LRRC3B: variants seen among roughly 807,000 people sequenced by gnomAD.
LRRC3B encodes the protein leucine rich repeat containing 3B.
In LRRC3B, 2 loss-of-function variants were observed where a neutral mutation model predicts 12.8. That is an observed-to-expected ratio of 0.16 (90% CI 0.06 to 0.49). The LOEUF is 0.49. LRRC3B is among the 20% of genes least tolerant of loss of function. LRRC3B has a pLI of 0.96. For missense variants in LRRC3B, 189 were observed against 319.4 expected (o/e 0.59, Z 3.11); for synonymous variants, 132 against 122.0 (o/e 1.08, Z -0.54).
chr3:26,677,924 C>T (rs908067212), intron 1 of LRRC3B, among the ~76,000 whole-genome samples: 17 of 152,022 alleles, frequency 1.1e-4, no homozygotes, highest in African/African-American at 2.7e-4. Context: ...CCTCAGTTCC[C>T]GAGTAGCTGG....
intron 1 of LRRC3B, among the ~76,000 whole-genome samples, chr3:26,653,733 T>A (rs537551213): frequency 6.6e-6 from 1 of 152,192 alleles, no homozygotes; most frequent in African/African-American, 2.4e-5. Context: ...ATTTTCACCA[T>A]GAATTATAAT....
At chr3:26,667,097 A>G (rs1399584681) in intron 1 of LRRC3B, among the ~76,000 whole-genome samples, 1 of 144,344 alleles carries the variant, frequency 6.9e-6, no homozygotes, top group Non-Finnish European at 1.5e-5. Flanking sequence ...TTAAACCATT[A>G]TTAGTAAAGT....
chr3:26,707,110 T>C (rs1159426001), intron 1 of LRRC3B, among the ~76,000 whole-genome samples: 3 of 151,492 alleles, frequency 2.0e-5, no homozygotes, highest in Non-Finnish European at 4.4e-5. Flanking sequence ...CCTAGCACTT[T>C]GGGAGGCGAG....
At chr3:26,708,236 TAA>T (rs1453345826) in intron 1 of LRRC3B, among the ~76,000 whole-genome samples, 1 of 152,058 alleles carries the variant, frequency 6.6e-6, no homozygotes, top group African/African-American at 2.4e-5. Context: ...GGGAATCTTC[TAA>T]GTCAGGCATG....
intron 1 of LRRC3B, among the ~76,000 whole-genome samples, chr3:26,655,202 AG>A (rs1699349213): frequency 6.6e-6 from 1 of 152,236 alleles, no homozygotes; most frequent in Non-Finnish European, 1.5e-5. Flanking sequence ...ACTCTACTGC[AG>A]TGAATTAAAC....
chr3:26,645,161 C>G (rs1415535710), intron 1 of LRRC3B, among the ~76,000 whole-genome samples: 1 of 152,078 alleles, frequency 6.6e-6, no homozygotes, highest in African/African-American at 2.4e-5. Context: ...TTAATAGTTG[C>G]AGGAAAAAAT....
At chr3:26,678,314 C>A (rs546964520) in intron 1 of LRRC3B, among the ~76,000 whole-genome samples, 2 of 151,956 alleles carry the variant, frequency 1.3e-5, no homozygotes, top group East Asian at 2.0e-4. Context: ...GTCAACATGA[C>A]AAAACCCCAT....
At chr3:26,665,634 A>G (rs1294600286) in intron 1 of LRRC3B, among the ~76,000 whole-genome samples, 5 of 152,208 alleles carry the variant, frequency 3.3e-5, no homozygotes, top group Admixed American at 2.0e-4. Flanking sequence ...AAGTTTGGCT[A>G]AATAACCAAG....
chr3:26,684,903 C>T (rs1443584406), intron 1 of LRRC3B, among the ~76,000 whole-genome samples: 1 of 152,194 alleles, frequency 6.6e-6, no homozygotes, highest in Non-Finnish European at 1.5e-5. Flanking sequence ...TTCTCACATA[C>T]AATGGAGTGC....
rs139323957 is a variant in LRRC3B, at chr3:26,689,205, A to G, written c.-160-20308A>G. The stretch of plus-strand genomic sequence containing the variant: ...AGTTGGAGACAAAGTAGAGGAAAAG[A>G]GAGAAATGCTGGTACATTTAAAGTG... On this transcript the variant is annotated intron_variant, in intron 1 of 1. Coordinates refer to ENST00000396641, the Ensembl canonical transcript of LRRC3B. Among the ~76,000 whole-genome samples, 957 of 152,356 alleles carry G rather than the reference A, an allele frequency of 6.3e-3. 6 individuals are homozygous for G. The highest frequency in any genetic ancestry group is 0.024 in the Middle Eastern group (7 of 294).
chr3:26,702,292 A>G (rs960180376), intron 1 of LRRC3B, among the ~76,000 whole-genome samples: 6 of 152,198 alleles, frequency 3.9e-5, no homozygotes, highest in African/African-American at 1.2e-4. Context: ...CTACCAGATT[A>G]TTCTCTTTTT....
chr3:26,635,894 T>C (rs1316237641), intron 1 of LRRC3B, among the ~76,000 whole-genome samples: 2 of 152,206 alleles, frequency 1.3e-5, no homozygotes, highest in Non-Finnish European at 2.9e-5. Context: ...AGTGAACAAT[T>C]TATTCTAGTG....
chr3:26,692,211 C>A (rs1052276820), intron 1 of LRRC3B, among the ~76,000 whole-genome samples: 1 of 152,110 alleles, frequency 6.6e-6, no homozygotes, highest in Admixed American at 6.5e-5. Context: ...ATAAGTACTG[C>A]GGTTACACTC....
At chr3:26,639,493 A>T (rs200658944) in intron 1 of LRRC3B, among the ~76,000 whole-genome samples, 2 of 80,570 alleles carry the variant, frequency 2.5e-5, no homozygotes, top group South Asian at 5.0e-4. Context: ...AATTTAAATT[A>T]AATTTAAATT....
chr3:26,709,383 C>A, intron 1 of LRRC3B, 130 bp from the exon 2 acceptor site: 2 of 412,438 alleles, frequency 4.8e-6, no homozygotes, highest in Non-Finnish European at 4.4e-6. Flanking sequence ...CTCCCAGTGG[C>A]ATTGATGGAA....
At chr3:26,623,446 A>T (rs901928094) in intron 1 of LRRC3B, among the ~76,000 whole-genome samples, 1 of 152,156 alleles carries the variant, frequency 6.6e-6, no homozygotes, top group Non-Finnish European at 1.5e-5. Context: ...GCTCCTGTTC[A>T]GCCGGCTGCT....
intron 1 of LRRC3B, among the ~76,000 whole-genome samples, chr3:26,685,513 CTCTCTCTCTCTATATA>C (rs1225664421): frequency 7.3e-4 from 39 of 53,294 alleles, no homozygotes; most frequent in African/African-American, 2.3e-3. Flanking sequence ...CTCTCTCTCT[CTCTCTCTCTCTATATA>C]TATATATATA....
intron 1 of LRRC3B, among the ~76,000 whole-genome samples, chr3:26,643,260 G>GTA (rs1185531709): frequency 3.7e-5 from 5 of 136,204 alleles, no homozygotes; most frequent in African/African-American, 1.3e-4. Context: ...GTGTGAGTGT[G>GTA]TGTGTGTGTG....
At chr3:26,645,785 G>T (rs926173427) in intron 1 of LRRC3B, among the ~76,000 whole-genome samples, 2 of 152,000 alleles carry the variant, frequency 1.3e-5, no homozygotes, top group Non-Finnish European at 2.9e-5. Context: ...AATTATGAGG[G>T]TATCATGTCA....
Sources: allele counts gnomAD v4.1 joint callset (sites outside exome capture counted in the v4.1 genomes callset), GRCh38; gene constraint gnomAD v4.1.1; transcripts MANE v1.5; gene names NCBI Gene and HGNC (gene_info 2026-07-23, HGNC 2026-07-21).